Variants in PLEKHA5 observed in about 807,000 individuals in gnomAD.
PLEKHA5 encodes pleckstrin homology domain-containing family A member 5.
In PLEKHA5, 55 loss-of-function variants were observed where a neutral mutation model predicts 181.9. That is an observed-to-expected ratio of 0.30 (90% CI 0.24 to 0.38). PLEKHA5 has a LOEUF of 0.38. Ranked by LOEUF, PLEKHA5 falls within the 10% of genes least tolerant of loss-of-function variation. The pLI is 1.00. For missense variants in PLEKHA5, 1,432 were observed against 1,549.5 expected (o/e 0.92, Z 1.27); for synonymous variants, 535 against 529.4 (o/e 1.01, Z -0.15).
chr12:19,236,443 A>G (rs1227093656), intron 3 of PLEKHA5, among the ~76,000 whole-genome samples: 4 of 152,176 alleles, frequency 2.6e-5, no homozygotes, highest in Non-Finnish European at 4.4e-5. Flanking sequence ...TAAGTGATCA[A>G]TAAAACTGAG....
intron 12 of PLEKHA5, among the ~76,000 whole-genome samples, chr12:19,284,782 C>A (rs889440188): frequency 5.9e-5 from 9 of 151,908 alleles, no homozygotes; most frequent in African/African-American, 1.9e-4. Flanking sequence ...CTGAAGAGTT[C>A]TTTGACCGGA....
In PLEKHA5 at chr12:19,336,582, T is replaced by C. The variant is rs368607481; in HGVS notation, c.2516T>C (p.Met839Thr). 11 of 1,605,230 alleles carry C rather than the reference T, an allele frequency of 6.9e-6. No individual in the cohort carries two copies. The African/African-American group carries it at 1.2e-4, about 18-fold the overall frequency. ...EYDVTVTRNQMQEQLDHLGEV... is the reference protein window; with the variant it reads ...EYDVTVTRNQTQEQLDHLGEV... Reference sequence around the variant, plus strand: ...GATGTAACTGTTACCAGGAACCAGATGCAAGAGCAGCTGGATCACCTTGGT... The same window carrying C: ...GATGTAACTGTTACCAGGAACCAGACGCAAGAGCAGCTGGATCACCTTGGT... The change falls in exon 21 of 32, where the codon ATG becomes ACG. Residue 839 changes from methionine (M) to threonine (T), a missense_variant. By Grantham distance (81) the Met-to-Thr change is moderately conservative. This residue lies in a region of PLEKHA5 where 1,143 missense variants were observed against 1,168.4 expected (regional missense o/e 0.98). Coordinates refer to ENST00000429027, the MANE Select transcript of PLEKHA5 (RefSeq NM_001256470.2).
At chr12:19,325,429 C>G (rs2091865783) in intron 20 of PLEKHA5, among the ~76,000 whole-genome samples, 1 of 152,020 alleles carries the variant, frequency 6.6e-6, no homozygotes. Flanking sequence ...GTGGCTCACG[C>G]CTGTAATCCC....
At chr12:19,208,646 T>C (rs571798273) in intron 3 of PLEKHA5, among the ~76,000 whole-genome samples, 1 of 152,314 alleles carries the variant, frequency 6.6e-6, no homozygotes, top group African/African-American at 2.4e-5. Flanking sequence ...ATAGCAGTTT[T>C]CTTTGCTGTA....
intron 3 of PLEKHA5, among the ~76,000 whole-genome samples, chr12:19,212,593 A>G (rs2057137176): frequency 6.6e-6 from 1 of 152,124 alleles, no homozygotes; most frequent in African/African-American, 2.4e-5. Flanking sequence ...AGACACAAGA[A>G]TTGCTTGAAC....
chr12:19,328,597 G>GTA (rs765931468), intron 20 of PLEKHA5, among the ~76,000 whole-genome samples: 1 of 127,456 alleles, frequency 7.8e-6, no homozygotes, highest in East Asian at 2.3e-4. Context: ...GTGTGTGTGT[G>GTA]TATTGTAAAT....
At chr12:19,350,584 C>T (rs539200928) in intron 25 of PLEKHA5, among the ~76,000 whole-genome samples, 35 of 152,252 alleles carry the variant, frequency 2.3e-4, no homozygotes, top group African/African-American at 7.5e-4. Flanking sequence ...GCCTGGCCAA[C>T]ATGGCGAAGC....
At position 19,342,187 on chromosome 12, in the gene PLEKHA5, A is replaced by C. The variant is rs140941088; in HGVS notation, c.2551-1136A>C. Among the ~76,000 whole-genome samples, 311 of 152,326 alleles carry C rather than the reference A, an allele frequency of 2.0e-3. 1 individual carries two copies. The highest frequency in any genetic ancestry group is 0.017 in the Middle Eastern group (5 of 294). On this transcript the variant is annotated intron_variant, in intron 21 of 31. Coordinates refer to ENST00000429027, the MANE Select transcript of PLEKHA5 (RefSeq NM_001256470.2). ...TTTTTGTATGTCATTGCCTATTTTT[A>C]AAAATAAAGTTACATTCCTAGAATA...
chr12:19,343,269 A>G (rs2153182167), intron 21 of PLEKHA5, 54 bp from the exon 22 acceptor site: 1 of 955,616 alleles, frequency 1.0e-6, no homozygotes, highest in Non-Finnish European at 1.6e-6. Flanking sequence ...TAATCATTTA[A>G]CTTCAGTGAA....
chr12:19,357,031 A>ATATC (rs6144634), intron 26 of PLEKHA5, among the ~76,000 whole-genome samples: 116,271 of 151,696 alleles, frequency 0.77, 47,010 homozygotes, highest in Non-Finnish European at 0.92. Context: ...GAGAAAGAAA[A>ATATC]TAGAGGTGTT....
chr12:19,296,501 T>C (rs565823014), intron 15 of PLEKHA5, among the ~76,000 whole-genome samples: 4 of 150,606 alleles, frequency 2.7e-5, no homozygotes, highest in South Asian at 2.1e-4. Flanking sequence ...TGAGCCAAGA[T>C]CATGCCCTGC....
chr12:19,247,481 C>G (rs562997883), intron 3 of PLEKHA5, among the ~76,000 whole-genome samples: 1 of 152,052 alleles, frequency 6.6e-6, no homozygotes, highest in Non-Finnish European at 1.5e-5. Context: ...TATTTTATCT[C>G]CAGTAGACAT....
At chr12:19,157,546 CTTGTT>C (rs1416061933) in intron 3 of PLEKHA5, among the ~76,000 whole-genome samples, 8 of 151,880 alleles carry the variant, frequency 5.3e-5, no homozygotes, top group Admixed American at 5.2e-4. Context: ...TTTTTGTCCA[CTTGTT>C]TTGTGTATTA....
intron 3 of PLEKHA5, among the ~76,000 whole-genome samples, chr12:19,142,433 A>C (rs2037652760): frequency 1.3e-5 from 2 of 152,186 alleles, no homozygotes; most frequent in African/African-American, 4.8e-5. Context: ...GGACATGATG[A>C]CAAAATTTTG....
At chr12:19,244,387 T>C (rs2063243253) in intron 3 of PLEKHA5, among the ~76,000 whole-genome samples, 1 of 152,256 alleles carries the variant, frequency 6.6e-6, no homozygotes, top group Non-Finnish European at 1.5e-5. Flanking sequence ...AGCTTTTTGC[T>C]GCATAGTTTT....
intron 3 of PLEKHA5, among the ~76,000 whole-genome samples, chr12:19,246,104 G>A (rs1378622325): frequency 6.7e-6 from 1 of 149,768 alleles, no homozygotes; most frequent in African/African-American, 2.5e-5. Flanking sequence ...TCAGCTTCCC[G>A]AGTAGCTGGG....
At chr12:19,145,909 C>G (rs1017372069) in intron 3 of PLEKHA5, among the ~76,000 whole-genome samples, 3 of 152,098 alleles carry the variant, frequency 2.0e-5, no homozygotes, top group Non-Finnish European at 4.4e-5. Flanking sequence ...AATGTGCAAT[C>G]ATAATATTGA....
intron 29 of PLEKHA5, among the ~76,000 whole-genome samples, chr12:19,364,773 C>G (rs539427301): frequency 6.6e-6 from 1 of 151,862 alleles, no homozygotes; most frequent in Admixed American, 6.5e-5. Flanking sequence ...TCAAGCAGTT[C>G]TCCTGCCTCA....
intron 3 of PLEKHA5, among the ~76,000 whole-genome samples, chr12:19,240,932 G>A (rs900095669): frequency 2.6e-5 from 4 of 151,928 alleles, no homozygotes; most frequent in African/African-American, 7.3e-5. Flanking sequence ...TTTTTAACCC[G>A]CTAAAATATA....
Sources: gnomAD v4.1 joint callset for allele counts (sites outside exome capture counted in the v4.1 genomes callset) on GRCh38, gnomAD v4.1.1 for gene constraint, gnomAD v4.1.1 regional missense constraint, MANE v1.5 for transcripts, NCBI Gene and HGNC (gene_info 2026-07-23, HGNC 2026-07-21) for gene names.